The following SHISA9 variants were observed in gnomAD, a reference collection of about 807,000 sequenced individuals.
SHISA9 encodes shisa family member 9, also known as protein shisa-9.
Under a neutral mutation model 38.0 loss-of-function variants are expected in SHISA9, and 13 were observed. The observed-to-expected ratio is 0.34, with a 90% CI of 0.22 to 0.54. The LOEUF (loss-of-function observed/expected upper bound fraction) is 0.54, where lower values mean the gene tolerates loss of function less well. Among genes scored for constraint, SHISA9 ranks in the 20% least tolerant of loss-of-function variants. The pLI is 0.91. For missense variants in SHISA9, 538 were observed against 575.8 expected (o/e 0.93, Z 0.67); for synonymous variants, 275 against 242.0 (o/e 1.14, Z -1.27).
At chr16:13,320,004 G>T in the SHISA9 span, among the ~76,000 whole-genome samples, 522 of 151,960 alleles carry the variant, frequency 3.4e-3, 4 homozygotes, top group African/African-American at 0.012. Context: ...TAGAAAGTAG[G>T]CAAAACAGCC....
the SHISA9 span, among the ~76,000 whole-genome samples, chr16:13,544,095 T>C: frequency 2.0e-5 from 3 of 152,126 alleles, no homozygotes; most frequent in Non-Finnish European, 1.5e-5. Context: ...GCAGTCTCCA[T>C]TGCAAATTCT....
intron 2 of SHISA9, among the ~76,000 whole-genome samples, chr16:12,943,646 C>T (rs2071651932): frequency 6.6e-6 from 1 of 152,110 alleles, no homozygotes; most frequent in Non-Finnish European, 1.5e-5. Context: ...AGTCAGGAAA[C>T]TGAGCATCAG....
rs145583123 is a variant in SHISA9, at chr16:13,209,242, C to T, written c.848-4011C>T. 2.2e-3 allele frequency among the ~76,000 whole-genome samples: 328 copies of T among 152,208 alleles called. 2 individuals carry two copies. Among genetic ancestry groups the T allele is most frequent in the African/African-American group, 7.3e-3 (305 of 41,536 alleles). On this transcript the variant is annotated intron_variant, in intron 3 of 4. Transcript: ENST00000558583. ...TGCGGTCATCATTTTCCCCTGATCT[C>T]GGAGATACGCTGGTACCTGGATTAA...
intron 2 of SHISA9, among the ~76,000 whole-genome samples, chr16:13,064,223 A>C (rs1023037126): frequency 6.6e-6 from 1 of 152,200 alleles, no homozygotes; most frequent in African/African-American, 2.4e-5. Flanking sequence ...TTTTAATGCC[A>C]GGCCACAGTC....
chr16:13,336,792 C>A, the SHISA9 span, among the ~76,000 whole-genome samples: 4 of 152,148 alleles, frequency 2.6e-5, no homozygotes, highest in African/African-American at 7.2e-5. Context: ...GACCCTGGTT[C>A]TCTAGGCACA....
chr16:13,236,897 T>C lies in SHISA9; in HGVS notation c.*1488T>C, dbSNP rs918955680. 5 of 152,218 alleles carry C rather than the reference T, an allele frequency of 3.3e-5. No individual in the cohort carries two copies. Among genetic ancestry groups the C allele is most frequent in the Non-Finnish European group, 7.3e-5 (5 of 68,050 alleles). The allele number at this position is 152,218 out of a possible 1,614,324, so 9.4% of individuals were successfully genotyped here. A position where few individuals can be genotyped will look rare whatever the true frequency, so the allele number is the denominator to read the frequency against. ...TGTTCATCTCCCATCCAGAATGTCC[T>C]GAGGTTGTTTTTCTGGTTGGTTCTC... On this transcript the variant is annotated 3_prime_UTR_variant, in exon 5 of 5. Transcript: ENST00000558583.
chr16:13,446,938 C>G, the SHISA9 span, among the ~76,000 whole-genome samples: 1 of 150,260 alleles, frequency 6.7e-6, no homozygotes, highest in African/African-American at 2.5e-5. Flanking sequence ...CGAGATCTTG[C>G]CACTGCACTC....
chr16:12,987,440 T>C (rs796123663), intron 2 of SHISA9, among the ~76,000 whole-genome samples: 7 of 152,312 alleles, frequency 4.6e-5, no homozygotes, highest in African/African-American at 1.7e-4. Flanking sequence ...TCATGTCCTT[T>C]GCAGGGACAT....
intron 2 of SHISA9, among the ~76,000 whole-genome samples, chr16:13,086,662 T>C (rs2073714034): frequency 6.6e-6 from 1 of 152,026 alleles, no homozygotes; most frequent in Non-Finnish European, 1.5e-5. Flanking sequence ...TTTAGGATAT[T>C]TGTATTTCAA....
At chr16:13,014,723 A>G (rs1388131953) in intron 2 of SHISA9, among the ~76,000 whole-genome samples, 3 of 152,220 alleles carry the variant, frequency 2.0e-5, no homozygotes, top group Admixed American at 2.0e-4. Context: ...CAGGATGTTA[A>G]CCTGCAGCTG....
the SHISA9 span, among the ~76,000 whole-genome samples, chr16:13,507,193 ATATTAT>A: frequency 7.1e-3 from 1,080 of 151,900 alleles, 16 homozygotes; most frequent in African/African-American, 0.025. Context: ...AATATTTTTT[ATATTAT>A]TATTATTGTT....
At chr16:13,536,798 A>G in the SHISA9 span, among the ~76,000 whole-genome samples, 1 of 152,208 alleles carries the variant, frequency 6.6e-6, no homozygotes, top group African/African-American at 2.4e-5. Flanking sequence ...TCAGATAATA[A>G]AAGATTTTAA....
the SHISA9 span, among the ~76,000 whole-genome samples, chr16:13,457,143 C>T: frequency 1.3e-5 from 2 of 152,174 alleles, no homozygotes; most frequent in African/African-American, 4.8e-5. Context: ...CCTGTCTCTA[C>T]TAAAAATACA....
At chr16:13,207,567 T>A (rs2051077712) in intron 3 of SHISA9, among the ~76,000 whole-genome samples, 1 of 151,992 alleles carries the variant, frequency 6.6e-6, no homozygotes, top group Non-Finnish European at 1.5e-5. Context: ...CAGTCCTAGA[T>A]GGGGTTGATG....
At chr16:13,118,354 G>A (rs924158441) in intron 2 of SHISA9, among the ~76,000 whole-genome samples, 2 of 152,134 alleles carry the variant, frequency 1.3e-5, no homozygotes, top group African/African-American at 2.4e-5. Flanking sequence ...GCTTTTCTCA[G>A]CTGAGCCCTA....
At chr16:13,252,294 G>A in the SHISA9 span, among the ~76,000 whole-genome samples, 8 of 152,182 alleles carry the variant, frequency 5.3e-5, no homozygotes, top group East Asian at 1.4e-3. Context: ...GGACAATGTC[G>A]TATCCCTCCT....
the SHISA9 span, among the ~76,000 whole-genome samples, chr16:13,462,181 G>A: frequency 1.5e-4 from 23 of 151,842 alleles, no homozygotes; most frequent in South Asian, 8.3e-4. Flanking sequence ...TGAGGTGGGA[G>A]GATTATTCGA....
At chr16:13,310,038 C>T in the SHISA9 span, among the ~76,000 whole-genome samples, 1 of 152,102 alleles carries the variant, frequency 6.6e-6, no homozygotes, top group Non-Finnish European at 1.5e-5. Context: ...CAAGAATGCG[C>T]CACCATACCT....
intron 2 of SHISA9, among the ~76,000 whole-genome samples, chr16:12,966,842 C>G (rs2071985732): frequency 1.3e-5 from 2 of 152,204 alleles, no homozygotes; most frequent in Non-Finnish European, 1.5e-5. Context: ...AGACTCAGAT[C>G]TGTCCTGGGT....
Sources: allele counts gnomAD v4.1 joint callset (sites outside exome capture counted in the v4.1 genomes callset), GRCh38; gene constraint gnomAD v4.1.1; transcripts MANE v1.5; gene names NCBI Gene and HGNC (gene_info 2026-07-23, HGNC 2026-07-21).